The following GNG3 variants were observed in gnomAD, a reference collection of about 807,000 sequenced individuals.
The protein encoded by GNG3 is guanine nucleotide-binding protein G(I)/G(S)/G(O) subunit gamma-3.
Under a neutral mutation model 5.6 loss-of-function variants are expected in GNG3, and 4 were observed. The observed-to-expected ratio is 0.71, with a 90% CI of 0.35 to 1.63. GNG3 has a LOEUF of 1.63. Among genes scored for constraint, GNG3 ranks in the 40% most tolerant of loss-of-function variants. GNG3 has a pLI of 0.05. For missense variants in GNG3, 62 were observed against 96.6 expected (o/e 0.64, Z 1.50); for synonymous variants, 30 against 33.5 (o/e 0.89, Z 0.36).
upstream of GNG3, chr11:62,706,675 A>AT: frequency 2.1e-6 from 1 of 477,994 alleles, no homozygotes; most frequent in South Asian, 1.5e-5. Context: ...GCTGGCGCTG[A>AT]TTTTTATCGC....
In GNG3 at chr11:62,708,726, T is replaced by C; in HGVS notation, c.148T>C (p.Cys50Arg). Residue 50 changes from cysteine (C) to arginine (R), a missense_variant, in exon 3 of 3, where the codon TGT (cysteine) becomes CGT (arginine). By Grantham distance (180) the Cys-to-Arg change is radical. This residue lies in a region of GNG3 where 58 missense variants were observed against 75.4 expected (regional missense o/e 0.77). Coordinates refer to ENST00000294117, the MANE Select transcript of GNG3 (RefSeq NM_012202.5). ...DLMTYCDAHA[C>R]EDPLITPVPT... ...GATGACTTACTGTGATGCCCACGCC[T>C]GTGAGGATCCCCTCATCACCCCTGT... is the stretch of plus-strand genomic sequence containing the variant. 1 of 1,614,010 alleles carries C rather than the reference T, an allele frequency of 6.2e-7. No homozygotes were observed. The highest frequency in any genetic ancestry group is 1.3e-5 in the African/African-American group (1 of 75,032).
chr11:62,707,555 T>A (rs1279258209), upstream of GNG3: 6 of 593,192 alleles, frequency 1.0e-5, no homozygotes, highest in African/African-American at 1.1e-4. Flanking sequence ...AGAGTCAGGA[T>A]GCCTGCAATG....
upstream of GNG3, chr11:62,707,042 G>T: frequency 7.4e-7 from 1 of 1,344,742 alleles, no homozygotes; most frequent in Non-Finnish European, 1.0e-6. Flanking sequence ...CCATCCCCCC[G>T]CCCCCTTCAC....
At chr11:62,706,683 C>T (rs965488238), upstream of GNG3, 6 of 479,468 alleles carry the variant, frequency 1.3e-5, no homozygotes, top group African/African-American at 9.9e-5. Context: ...TGATTTTTAT[C>T]GCCCACAGCT....
chr11:62,707,926 G>A lies in GNG3; in HGVS notation c.-2+11G>A. 3.3e-6 allele frequency: 1 copy of A among 303,916 alleles called. No individual in the cohort carries two copies. The highest frequency in any genetic ancestry group is 6.3e-6 in the Non-Finnish European group (1 of 158,016). 18.8% of individuals were successfully genotyped at this position (303,916 alleles called of 1,614,324 possible). A position where few individuals can be genotyped will look rare whatever the true frequency, so the allele number is the denominator to read the frequency against. ...CGCTTGTGGCTTCAGGTAAGTAATGGCCTGTTTTTCTCCTGTTGGGGCTCA... is the reference window on the plus strand; with the variant it reads ...CGCTTGTGGCTTCAGGTAAGTAATGACCTGTTTTTCTCCTGTTGGGGCTCA... On this transcript the variant is annotated intron_variant, in intron 1 of 2. Coordinates refer to ENST00000294117, the MANE Select transcript of GNG3 (RefSeq NM_012202.5).
In GNG3 at chr11:62,708,713, T is replaced by C. The variant is rs571336571; in HGVS notation, c.135T>C (p.Cys45=). The part of the protein sequence containing the change: ...SKAAADLMTY[C]DAHACEDPLI... ...CAGCAGCAGACCTGATGACTTACTG[T>C]GATGCCCACGCCTGTGAGGATCCCC... Residue 45 remains cysteine (C), a synonymous_variant, in exon 3 of 3, where the codon TGT becomes TGC. Transcript: ENST00000294117. 993 of 1,614,072 alleles carry C rather than the reference T, an allele frequency of 6.2e-4. 13 individuals carry two copies. The South Asian group carries it at 9.5e-3, about 16-fold the overall frequency.
At chr11:62,707,129 T>C, upstream of GNG3, 1 of 1,554,516 alleles carries the variant, frequency 6.4e-7, no homozygotes, top group Non-Finnish European at 8.7e-7. Flanking sequence ...TCCGGTCCTT[T>C]GATCTGGTCT....
upstream of GNG3, chr11:62,707,308 T>C (rs2083557699): frequency 1.1e-6 from 1 of 945,680 alleles, no homozygotes; most frequent in African/African-American, 1.6e-5. Context: ...TTCCTGGATA[T>C]GGAAAATGGA....
rs562925571 is a variant in GNG3 at position 62,707,930 on chromosome 11, G to A, written c.-2+15G>A. On this transcript the variant is annotated intron_variant, in intron 1 of 2. Transcript: ENST00000294117. ...TGTGGCTTCAGGTAAGTAATGGCCT[G>A]TTTTTCTCCTGTTGGGGCTCACTGG... The A allele has an allele frequency of 4.9e-5, 15 of 307,998 alleles. No homozygotes were observed. Among genetic ancestry groups the A allele is most frequent in the Non-Finnish European group, 8.7e-5 (14 of 160,354 alleles). The allele number at this position is 307,998 out of a possible 1,614,324, so 19.1% of individuals were successfully genotyped here. A position where few individuals can be genotyped will look rare whatever the true frequency, so the allele number is the denominator to read the frequency against.
chr11:62,707,379 A>G, upstream of GNG3: 1 of 716,798 alleles, frequency 1.4e-6, no homozygotes, highest in Non-Finnish European at 2.5e-6. Flanking sequence ...TAGAGGGAGG[A>G]AAGGAGGAGG....
At chr11:62,706,490 C>T (rs2083540907), upstream of GNG3, 2 of 404,160 alleles carry the variant, frequency 4.9e-6, no homozygotes, top group Non-Finnish European at 4.8e-6. Context: ...CTCCGGTTAC[C>T]GTGACCAAAG....
In GNG3 at chr11:62,709,099, G is replaced by C. The variant is rs558643814; in HGVS notation, c.*293G>C. 5 of 482,950 alleles carry C rather than the reference G, an allele frequency of 1.0e-5. No individual in the cohort carries two copies. Among genetic ancestry groups the C allele is most frequent in the Non-Finnish European group, 2.0e-5 (5 of 250,174 alleles). 29.9% of individuals were successfully genotyped at this position (482,950 alleles called of 1,614,324 possible). A position where few individuals can be genotyped will look rare whatever the true frequency, so the allele number is the denominator to read the frequency against. On this transcript the variant is annotated 3_prime_UTR_variant, in exon 3 of 3. Transcript: ENST00000294117. ...TCCTGCCCGCTTCCCTCGGTGACCT[G>C]CTCAGACAATGGAGAGGGATGGGCC...
At chr11:62,708,538 C>T (rs2083581490) in intron 2 of GNG3, 140 bp from the exon 3 acceptor site, 1 of 1,321,602 alleles carries the variant, frequency 7.6e-7, no homozygotes. Context: ...GAGAGCTGTC[C>T]CCAGGCCTCT....
At chr11:62,707,319 G>A (rs969289612), upstream of GNG3, 3 of 881,226 alleles carry the variant, frequency 3.4e-6, no homozygotes, top group Non-Finnish European at 1.8e-6. Context: ...GGAAAATGGA[G>A]GGTCCCTGGG....
At chr11:62,707,637 T>C (rs774884376), upstream of GNG3, 30 of 477,454 alleles carry the variant, frequency 6.3e-5, no homozygotes, top group Non-Finnish European at 1.0e-4. Context: ...GCTCCCCCAC[T>C]GGCCAGGCAG....
intron 2 of GNG3, 54 bp downstream of exon 2, chr11:62,708,448 A>G: frequency 1.5e-6 from 2 of 1,350,180 alleles, no homozygotes; most frequent in South Asian, 2.3e-5. Context: ...GCTGTGCTGC[A>G]GGTTCCCAAA....
upstream of GNG3, chr11:62,706,798 G>T (rs76917941): frequency 0.013 from 7,643 of 572,714 alleles, 426 homozygotes; most frequent in African/African-American, 0.13. Context: ...TTAGTGCCCT[G>T]TTCCCAGCGT....
chr11:62,707,657 T>C, upstream of GNG3: 1 of 447,900 alleles, frequency 2.2e-6, no homozygotes, highest in South Asian at 2.2e-5. Context: ...GTTGGTATGC[T>C]CCAGGATCTG....
upstream of GNG3, chr11:62,707,122 G>A (rs745575653): frequency 8.4e-6 from 13 of 1,553,614 alleles, no homozygotes; most frequent in African/African-American, 1.1e-4. Flanking sequence ...CTCTTTGTCC[G>A]GTCCTTTGAT....
Sources: allele counts gnomAD v4.1 joint callset, GRCh38; gene constraint gnomAD v4.1.1; regional missense constraint gnomAD v4.1.1; transcripts MANE v1.5; gene names NCBI Gene and HGNC (gene_info 2026-07-23, HGNC 2026-07-21).